The following SOBP variants were observed in gnomAD, a reference collection of about 807,000 sequenced individuals.
The protein encoded by SOBP is sine oculis-binding protein homolog.
SOBP carries 4 observed loss-of-function variants against 53.6 expected under a neutral mutation model. The observed-to-expected ratio is 0.07, with a 90% CI of 0.04 to 0.17. The LOEUF is 0.17. Ranked by LOEUF, SOBP falls within the 10% of genes least tolerant of loss-of-function variation. The pLI is 1.00. For synonymous variants in SOBP, 584 were observed against 522.6 expected, an observed-to-expected ratio of 1.12 and a Z score of -1.60; for missense variants, 1,088 against 1,204.7, an observed-to-expected ratio of 0.90 and a Z score of 1.43.
In SOBP at chr6:107,506,457, A is replaced by C. The variant is rs368484299; in HGVS notation, c.421+30A>C. 3.2e-5 allele frequency: 52 copies of C among 1,609,936 alleles called. No individual in the cohort carries two copies. The African/African-American group carries it at 6.4e-4, about 20-fold the overall frequency. On this transcript the variant is annotated intron_variant, in intron 3 of 6. Coordinates refer to ENST00000317357, the MANE Select transcript of SOBP (RefSeq NM_018013.4). ...GTCACTACTGGTGTTTTCAGTGATA[A>C]CAATTCATAGAAAGTTGTTTTAACC...
chr6:107,646,281 G>A (rs1771552133), intron 6 of SOBP, among the ~76,000 whole-genome samples: 1 of 152,250 alleles, frequency 6.6e-6, no homozygotes, highest in Admixed American at 6.5e-5. Context: ...TTTGTGCTAA[G>A]TGGGCCTAAG....
At chr6:107,499,023 C>A (rs1487238405) in intron 1 of SOBP, among the ~76,000 whole-genome samples, 1 of 152,148 alleles carries the variant, frequency 6.6e-6, no homozygotes, top group African/African-American at 2.4e-5. Context: ...GGTCAATGAT[C>A]AAATCCAAAG....
intron 2 of SOBP, 27 bp downstream of exon 2, chr6:107,503,822 C>G: frequency 6.2e-7 from 1 of 1,612,658 alleles, no homozygotes; most frequent in Non-Finnish European, 8.5e-7. Context: ...TCCTTTTGTT[C>G]ATGCAAAGAA....
At chr6:107,536,885 G>T (rs1213152962) in intron 4 of SOBP, among the ~76,000 whole-genome samples, 1 of 152,160 alleles carries the variant, frequency 6.6e-6, no homozygotes, top group Non-Finnish European at 1.5e-5. Flanking sequence ...ATCCCCGAAG[G>T]CTTATTTGCT....
chr6:107,620,530 G>A (rs1389128823), intron 5 of SOBP, among the ~76,000 whole-genome samples: 4 of 152,176 alleles, frequency 2.6e-5, no homozygotes, highest in Non-Finnish European at 1.5e-5. Flanking sequence ...AGACAGCAGG[G>A]CCATGACCAC....
chr6:107,503,505 T>A, intron 1 of SOBP, 152 bp from the exon 2 acceptor site: 1 of 794,078 alleles, frequency 1.3e-6, no homozygotes, highest in East Asian at 2.6e-5. Context: ...ACATTATGGT[T>A]TTGAACATGA....
At chr6:107,602,782 A>T (rs370041319) in intron 5 of SOBP, among the ~76,000 whole-genome samples, 6 of 152,188 alleles carry the variant, frequency 3.9e-5, no homozygotes, top group African/African-American at 1.4e-4. Context: ...GACATTCTAA[A>T]TGCCTAAACC....
At chr6:107,502,509 C>T (rs1215760952) in intron 1 of SOBP, among the ~76,000 whole-genome samples, 3 of 152,010 alleles carry the variant, frequency 2.0e-5, no homozygotes, top group Non-Finnish European at 4.4e-5. Context: ...TTAAATCTGT[C>T]CAATTATACT....
At chr6:107,601,299 G>A (rs1317799777) in intron 5 of SOBP, among the ~76,000 whole-genome samples, 1 of 152,144 alleles carries the variant, frequency 6.6e-6, no homozygotes, top group Non-Finnish European at 1.5e-5. Flanking sequence ...GGCACATCTT[G>A]TCCTCTTCCT....
intron 1 of SOBP, among the ~76,000 whole-genome samples, chr6:107,503,107 A>C (rs1014684761): frequency 2.6e-5 from 4 of 152,060 alleles, no homozygotes; most frequent in Non-Finnish European, 5.9e-5. Context: ...AAAAAGGAAG[A>C]CCCTTGTAAC....
At chr6:107,630,855 T>C (rs1236188265) in intron 5 of SOBP, among the ~76,000 whole-genome samples, 1 of 151,606 alleles carries the variant, frequency 6.6e-6, no homozygotes, top group Non-Finnish European at 1.5e-5. Context: ...CTGCTGAAAA[T>C]CAAGCAGCTA....
chr6:107,583,876 G>A (rs73517001), intron 4 of SOBP, among the ~76,000 whole-genome samples: 4,125 of 152,256 alleles, frequency 0.027, 181 homozygotes, highest in African/African-American at 0.095. Flanking sequence ...CTTACTGGTC[G>A]AGCATGCTAA....
intron 4 of SOBP, among the ~76,000 whole-genome samples, chr6:107,574,560 C>T (rs994395841): frequency 6.6e-6 from 1 of 152,128 alleles, no homozygotes; most frequent in Non-Finnish European, 1.5e-5. Flanking sequence ...TGAGTGAGCC[C>T]TCTGGTGAGA....
chr6:107,607,578 C>T (rs1220479730), intron 5 of SOBP, among the ~76,000 whole-genome samples: 2 of 152,190 alleles, frequency 1.3e-5, no homozygotes, highest in Admixed American at 6.5e-5. Context: ...CATATGCTAG[C>T]ACTTATCAAA....
At position 107,635,289 on chromosome 6, in the gene SOBP, C is replaced by T. The variant is rs558652549; in HGVS notation, c.2445C>T (p.Ala815=). The T allele has an allele frequency of 5.6e-6, 9 of 1,613,864 alleles. No individual in the cohort carries two copies. Among genetic ancestry groups the T allele is most frequent in the South Asian group, 4.4e-5 (4 of 91,084 alleles). ...NLNNPADEDH[A]YALRMLPKTG... ...ATAACCCCGCGGACGAGGACCATGC[C>T]TATGCTCTGCGGATGCTGCCCAAGA... Residue 815 remains alanine, a synonymous_variant, in exon 6 of 7, where the codon GCC becomes GCT. Coordinates refer to ENST00000317357, the MANE Select transcript of SOBP (RefSeq NM_018013.4). This position sits in a 1 kb window ranked among gnomAD's most constrained non-coding sequence, Gnocchi z 4.5.
chr6:107,543,960 T>A (rs190283411), intron 4 of SOBP, among the ~76,000 whole-genome samples: 1 of 152,312 alleles, frequency 6.6e-6, no homozygotes, highest in Admixed American at 6.5e-5. Flanking sequence ...GGGATTGTGG[T>A]TAGCTGTTAT....
intron 5 of SOBP, among the ~76,000 whole-genome samples, chr6:107,618,003 A>G (rs1020411499): frequency 2.6e-5 from 4 of 151,474 alleles, no homozygotes; most frequent in Admixed American, 1.3e-4. Flanking sequence ...AATTTTTTGT[A>G]TTTATAGTAG....
intron 5 of SOBP, among the ~76,000 whole-genome samples, chr6:107,600,270 A>G (rs1786130087): frequency 6.6e-6 from 1 of 152,230 alleles, no homozygotes. Flanking sequence ...GGGAATGGGA[A>G]GAGCCACATA....
chr6:107,533,004 G>A (rs1446407400), intron 3 of SOBP, among the ~76,000 whole-genome samples: 2 of 152,154 alleles, frequency 1.3e-5, no homozygotes, highest in Non-Finnish European at 2.9e-5. Context: ...TGAGCCTGGC[G>A]TCTGGTCAAG....
Sources: gnomAD v4.1 joint callset for allele counts (sites outside exome capture counted in the v4.1 genomes callset) on GRCh38, gnomAD v4.1.1 for gene constraint, Gnocchi (gnomAD v3.1) non-coding constraint, MANE v1.5 for transcripts, NCBI Gene and HGNC (gene_info 2026-07-23, HGNC 2026-07-21) for gene names.